SOX7: variants seen among roughly 807,000 people sequenced by gnomAD.
SOX7 encodes SRY-box transcription factor 7, also known as transcription factor SOX-7.
A neutral mutation model predicts 24.9 loss-of-function variants in SOX7; 19 were observed. The ratio of observed to expected loss-of-function variants is 0.76; its 90% CI spans 0.53 to 1.12. SOX7 has a LOEUF of 1.12. Ranked by LOEUF, SOX7 falls within the 50% of genes most tolerant of loss-of-function variation. SOX7 has a pLI of 0.00. For synonymous variants in SOX7, 327 were observed against 244.5 expected (o/e 1.34, Z -3.15); for missense variants, 702 against 535.0 (o/e 1.31, Z -3.08).
At chr8:10,728,054 A>G (rs1197189245) in intron 1 of SOX7, among the ~76,000 whole-genome samples, 1 of 152,202 alleles carries the variant, frequency 6.6e-6, no homozygotes, top group Non-Finnish European at 1.5e-5. Context: ...GGCAACTTGA[A>G]AGTGTTAGGA....
rs1800145070 is a variant in SOX7, at chr8:10,726,143, G to A, written c.762C>T (p.Ser254=). 2 of 1,590,498 alleles carry A rather than the reference G, an allele frequency of 1.3e-6. No individual in the cohort carries two copies. Among genetic ancestry groups the A allele is most frequent in the Non-Finnish European group, 1.7e-6 (2 of 1,168,780 alleles). Residue 254 remains serine, a synonymous_variant, in exon 2 of 2, where the codon AGC becomes AGT. Transcript: ENST00000304501. ...CAAGGGCCAGGGAGCCCAGGGGGTG[G>A]CTACAGTGGAGAGGGCTTGGGGCGT... The part of the protein sequence containing the change: ...PEYAPSPLHC[S]HPLGSLALGQ...
chr8:10,726,089 G>T lies in SOX7; in HGVS notation c.816C>A (p.Ser272=), dbSNP rs772525237. ...GAGATGGGGGACAGCCGGGTACAGG[G>T]GACATCATGGAGACGCCGGGGGACT... ...LGQSPGVSMM[S]PVPGCPPSPA... Residue 272 remains serine, a synonymous_variant, in exon 2 of 2, where the codon TCC becomes TCA. Transcript: ENST00000304501. 6.4e-7 allele frequency: 1 copy of T among 1,564,970 alleles called. No homozygotes were observed. The highest frequency in any genetic ancestry group is 1.4e-5 in the African/African-American group (1 of 73,766).
At chr8:10,729,372 C>G (rs1800216228) in intron 1 of SOX7, 1 of 152,182 alleles carries the variant, frequency 6.6e-6, no homozygotes, top group African/African-American at 2.4e-5. Context: ...ATAAAAACCT[C>G]GTCGAAAGGC....
At chr8:10,728,167 G>C (rs1230744781) in intron 1 of SOX7, among the ~76,000 whole-genome samples, 11 of 152,194 alleles carry the variant, frequency 7.2e-5, no homozygotes, top group Admixed American at 7.2e-4. Context: ...TCTGTCTGTG[G>C]TCTCAATATA....
Position 10,726,442 on chromosome 8 carries a change from C to A in SOX7, c.463G>T (p.Ala155Ser), listed in dbSNP as rs1800155929. Residue 155 changes from alanine to serine, a missense_variant, in exon 2 of 2, where the codon GCG (alanine) becomes TCG (serine). Physicochemically the swap from Ala to Ser is moderately conservative, Grantham distance 99. Transcript: ENST00000304501. ...LPEKRSGSRG[A>S]LGEKEDRGEY... ...CCCCTGTCCTCCTTCTCCCCCAGCG[C>A]CCCCCGGCTGCCGCTTCTCTTCTCC... 1 of 1,611,656 alleles carries A rather than the reference C, an allele frequency of 6.2e-7. No homozygotes were observed. Among genetic ancestry groups the A allele is most frequent in the Non-Finnish European group, 8.5e-7 (1 of 1,179,568 alleles).
At position 10,726,620 on chromosome 8, in the gene SOX7, C is replaced by T. The variant is rs890935201; in HGVS notation, c.285G>A (p.Val95=). 26 of 1,602,232 alleles carry T rather than the reference C, an allele frequency of 1.6e-5. No individual in the cohort carries two copies. The highest frequency in any genetic ancestry group is 2.1e-5 in the Non-Finnish European group (25 of 1,177,602). ...ALTLSQKRPY[V]DEAERLRLQH... ...GCAGGCGCAGCCGCTCCGCCTCGTC[C>T]ACGTACGGCCTCTTCTGGGACAGCG... Residue 95 remains valine (V), a synonymous_variant, in exon 2 of 2, where the codon GTG becomes GTA. Coordinates refer to ENST00000304501, the MANE Select transcript of SOX7 (RefSeq NM_031439.4).
rs1800122633 is a variant in SOX7 at position 10,725,446 on chromosome 8, A to C, written c.*292T>G. ...AGTTTCGATGATGGCTACCAAGAAA[A>C]GACGTCAGTGAACATTCCACTGGGA... is the stretch of plus-strand genomic sequence containing the variant. On this transcript the variant is annotated 3_prime_UTR_variant, in exon 2 of 2. Transcript: ENST00000304501. 2 of 439,544 alleles carry C rather than the reference A, an allele frequency of 4.6e-6. No individual in the cohort carries two copies. The highest frequency in any genetic ancestry group is 4.2e-5 in the East Asian group (1 of 23,632). 27.2% of individuals were successfully genotyped at this position (439,544 alleles called of 1,614,324 possible).
chr8:10,728,826 G>GA (rs1221989472), intron 1 of SOX7, among the ~76,000 whole-genome samples: 2 of 151,682 alleles, frequency 1.3e-5, no homozygotes, highest in African/African-American at 2.4e-5. Context: ...ACGGTCCGTG[G>GA]AAAAAAAAGT....
rs780712382 is a variant in SOX7 at position 10,726,347 on chromosome 8, GCCA to G, written c.555_557del (p.Gly189del). 6.2e-6 allele frequency: 10 copies of G among 1,612,200 alleles called. No individual in the cohort carries two copies. The Admixed American group carries it at 1.7e-4, about 27-fold the overall frequency. ...CCACACTGCTCGGGGTGCCGCCGCC[GCCA>G]CCACCAGCCGGCCCCTCGTGGTAGC... On this transcript the variant is annotated inframe_deletion, in exon 2 of 2. Transcript: ENST00000304501.
At chr8:10,726,811 C>G (rs921909633) in intron 1 of SOX7, 145 bp from the exon 2 acceptor site, 15 of 740,112 alleles carry the variant, frequency 2.0e-5, no homozygotes, top group Non-Finnish European at 3.0e-5. Context: ...CTCTTGCACC[C>G]TCTTCCCAGC....
Position 10,725,538 on chromosome 8 carries a change from G to A in SOX7, c.*200C>T, listed in dbSNP as rs1486264751. 1 of 603,012 alleles carries A rather than the reference G, an allele frequency of 1.7e-6. No individual in the cohort carries two copies. Among genetic ancestry groups the A allele is most frequent in the Admixed American group, 3.0e-5 (1 of 33,552 alleles). 37.4% of individuals were successfully genotyped at this position (603,012 alleles called of 1,614,324 possible). A position where few individuals can be genotyped will look rare whatever the true frequency, so the allele number is the denominator to read the frequency against. On this transcript the variant is annotated 3_prime_UTR_variant, in exon 2 of 2. Transcript: ENST00000304501. ...AATATACTTAAAATGTGGGCTGCAG[G>A]GGCTGGAACGTGGGGAAGGGGATAG...
rs1288747003 is a variant in SOX7, at chr8:10,726,203, G to T, written c.702C>A (p.Ile234=). Reference sequence around the variant, plus strand: ...AGTACGGGTGCCCTGGCAGGTGGGGGATGCGGCGGGGATGGCCATGCTCCT... The same window carrying T: ...AGTACGGGTGCCCTGGCAGGTGGGGTATGCGGCGGGGATGGCCATGCTCCT... ...CQEEHGHPRR[I]PHLPGHPYSP... The change falls in exon 2 of 2, where the codon ATC becomes ATA. Residue 234 remains isoleucine (I), a synonymous_variant. Coordinates refer to ENST00000304501, the MANE Select transcript of SOX7 (RefSeq NM_031439.4). The T allele has an allele frequency of 1.2e-6, 2 of 1,613,128 alleles. No homozygotes were observed. Among genetic ancestry groups the T allele is most frequent in the East Asian group, 2.2e-5 (1 of 44,856 alleles).
chr8:10,725,727 C>T lies in SOX7; in HGVS notation c.*11G>A, dbSNP rs557850996. The T allele has an allele frequency of 3.1e-6, 5 of 1,613,886 alleles. No homozygotes were observed. Among genetic ancestry groups the T allele is most frequent in the South Asian group, 2.2e-5 (2 of 91,076 alleles). On this transcript the variant is annotated 3_prime_UTR_variant, in exon 2 of 2. Coordinates refer to ENST00000304501, the MANE Select transcript of SOX7 (RefSeq NM_031439.4). ...GGGCGCGAGGGCTGACCGGACGGGG[C>T]GCCTCCAGCTCTATGACACACTGTA... is the stretch of plus-strand genomic sequence containing the variant.
rs370087494 is a variant in SOX7 at position 10,726,500 on chromosome 8, C to A, written c.405G>T (p.Leu135=). 1.2e-6 allele frequency: 2 copies of A among 1,612,524 alleles called. No homozygotes were observed. The highest frequency in any genetic ancestry group is 1.7e-6 in the Non-Finnish European group (2 of 1,179,954). Residue 135 remains leucine (L), a synonymous_variant, in exon 2 of 2, where the codon CTG becomes CTT. Transcript: ENST00000304501. The stretch of plus-strand genomic sequence containing the variant: ...CGTTCTGGTCCCGGGAGAGGGAGCT[C>A]AGAAGGAAGCCCGGGTCCACGCGCT... ...LCKRVDPGFL[L]SSLSRDQNAL... is the part of the protein sequence containing the mutation.
rs370694180 is a variant in SOX7 at position 10,730,477 on chromosome 8, G to A, written c.-44C>T. 457 of 1,345,412 alleles carry A rather than the reference G, an allele frequency of 3.4e-4. No individual in the cohort carries two copies. Among genetic ancestry groups the A allele is most frequent in the Non-Finnish European group, 4.1e-4 (426 of 1,036,030 alleles). 83.3% of individuals were successfully genotyped at this position (1,345,412 alleles called of 1,614,324 possible). A position where few individuals can be genotyped will look rare whatever the true frequency, so the allele number is the denominator to read the frequency against. On this transcript the variant is annotated 5_prime_UTR_variant, in exon 1 of 2. Transcript: ENST00000304501. The surrounding 1 kb of genome is among the most constrained non-coding windows in gnomAD (Gnocchi z 4.8). ...TCGCTTCGCCTGGCGGGGCAGGCGCGGACCTGGCCCTCGCACGGGTCGGGG... is the reference window on the plus strand; with the variant it reads ...TCGCTTCGCCTGGCGGGGCAGGCGCAGACCTGGCCCTCGCACGGGTCGGGG...
At position 10,725,757 on chromosome 8, in the gene SOX7, T is replaced by C. The variant is rs763585605; in HGVS notation, c.1148A>G (p.Asn383Ser). The change falls in exon 2 of 2, where the codon AAC becomes AGC. Residue 383 changes from asparagine (N) to serine (S), a missense_variant. Asn to Ser is a conservative substitution (Grantham distance 46, BLOSUM62 1). Transcript: ENST00000304501. ...CCAGCTCTATGACACACTGTAGCTG[T>C]TGTAGTACGTGGCCGTGGCATCAGC... ...VLADATATYY[N>S]SYSVS 3.1e-6 allele frequency: 5 copies of C among 1,613,850 alleles called. No individual in the cohort carries two copies. The highest frequency in any genetic ancestry group is 1.7e-5 in the Admixed American group (1 of 59,986).
Position 10,730,360 on chromosome 8 carries a change from T to A in SOX7, c.74A>T (p.Asp25Val). The A allele has an allele frequency of 6.4e-7, 1 of 1,563,386 alleles. No individual in the cohort carries two copies. Among genetic ancestry groups the A allele is most frequent in the Non-Finnish European group, 8.6e-7 (1 of 1,159,056 alleles). The change falls in exon 1 of 2, where the codon GAT becomes GTT. Residue 25 changes from aspartate (D) to valine (V), a missense_variant. Physicochemically the swap from Asp to Val is radical, Grantham distance 152. Transcript: ENST00000304501. This position sits in a 1 kb window ranked among gnomAD's most constrained non-coding sequence, Gnocchi z 4.8. ...GGGGACGGCCGGCGGCGATTGTCCA[T>A]CCGACAGCTCGGCGTCCAGGGCCGG... ...ECPALDAELS[D>V]GQSPPAVPRP... is the part of the protein sequence containing the mutation.
chr8:10,728,479 T>C (rs1374739599), intron 1 of SOX7, among the ~76,000 whole-genome samples: 2 of 152,170 alleles, frequency 1.3e-5, no homozygotes, highest in African/African-American at 4.8e-5. Context: ...GGTGCACAAG[T>C]CCATATTGTG....
In SOX7 at chr8:10,730,323, C is replaced by A. The variant is rs765890102; in HGVS notation, c.111G>T (p.Gly37=). The change falls in exon 1 of 2, where the codon GGG becomes GGT. Residue 37 remains glycine, a synonymous_variant. Coordinates refer to ENST00000304501, the MANE Select transcript of SOX7 (RefSeq NM_031439.4). The surrounding 1 kb of genome is among the most constrained non-coding windows in gnomAD (Gnocchi z 4.8). ...QSPPAVPRPP[G]DKGSESRIRR... ...GGATACGGCTCTCGGAGCCCTTGTC[C>A]CCCGGGGGCCGGGGGACGGCCGGCG... 3.8e-6 allele frequency: 6 copies of A among 1,571,910 alleles called. No homozygotes were observed. The African/African-American group carries it at 4.2e-5, about 11-fold the overall frequency.
Sources: allele counts gnomAD v4.1 joint callset (sites outside exome capture counted in the v4.1 genomes callset), GRCh38; gene constraint gnomAD v4.1.1; non-coding constraint Gnocchi (gnomAD v3.1); transcripts MANE v1.5; gene names NCBI Gene and HGNC (gene_info 2026-07-23, HGNC 2026-07-21).